The following FAM110B variants were observed in gnomAD, a reference collection of about 807,000 sequenced individuals.
FAM110B encodes the protein family with sequence similarity 110 member B.
Under a neutral mutation model 20.4 loss-of-function variants are expected in FAM110B, and 6 were observed. The ratio of observed to expected loss-of-function variants is 0.29; its 90% CI spans 0.16 to 0.58. FAM110B has a LOEUF of 0.58. Ranked by LOEUF, FAM110B falls within the 20% of genes least tolerant of loss-of-function variation. FAM110B has a pLI of 0.90. For missense variants in FAM110B, 434 were observed against 498.2 expected, an observed-to-expected ratio of 0.87 and a Z score of 1.23; for synonymous variants, 226 against 214.1, an observed-to-expected ratio of 1.06 and a Z score of -0.49.
intron 3 of FAM110B, among the ~76,000 whole-genome samples, chr8:58,092,349 A>G (rs1349128428): frequency 6.6e-6 from 1 of 152,016 alleles, no homozygotes; most frequent in African/African-American, 2.4e-5. Flanking sequence ...GCACCCATCA[A>G]CCCGTCATCT....
intron 1 of FAM110B, among the ~76,000 whole-genome samples, chr8:58,006,923 A>ATATATATATATTTTTTTTTTTTTTT: frequency 1.6e-5 from 2 of 126,518 alleles, no homozygotes; most frequent in South Asian, 5.1e-4. Context: ...ATATATATAT[A>ATATATATATATTTTTTTTTTTTTTT]TTTTTCCAAA....
At chr8:58,052,620 G>A (rs1805469545) in intron 2 of FAM110B, among the ~76,000 whole-genome samples, 1 of 151,934 alleles carries the variant, frequency 6.6e-6, no homozygotes, top group South Asian at 2.1e-4. Flanking sequence ...TTACTACGGA[G>A]GAACACAAAG....
intron 3 of FAM110B, 137 bp from the exon 4 acceptor site, chr8:58,145,770 G>A (rs1672616152): frequency 1.3e-5 from 2 of 153,358 alleles, no homozygotes; most frequent in Non-Finnish European, 2.9e-5. Context: ...GCGCGGTCGG[G>A]AAAACAGCTA....
At chr8:58,128,419 C>T (rs1807566213) in intron 3 of FAM110B, among the ~76,000 whole-genome samples, 1 of 152,180 alleles carries the variant, frequency 6.6e-6, no homozygotes, top group South Asian at 2.1e-4. Context: ...GTAATCCTTA[C>T]ATCACTTCCC....
At chr8:58,094,498 C>G (rs945170403) in intron 3 of FAM110B, among the ~76,000 whole-genome samples, 1 of 152,046 alleles carries the variant, frequency 6.6e-6, no homozygotes, top group Non-Finnish European at 1.5e-5. Flanking sequence ...CTGCATCTAT[C>G]GAGATAATCA....
chr8:58,140,895 T>G (rs1803731275), intron 3 of FAM110B, among the ~76,000 whole-genome samples: 1 of 152,250 alleles, frequency 6.6e-6, no homozygotes, highest in Non-Finnish European at 1.5e-5. Flanking sequence ...TTCATTCGAT[T>G]CACATTTACC....
chr8:58,047,627 T>TCTCTCTCTCTCTCTCTCTCTCTCTCC (rs1805355005), intron 2 of FAM110B, among the ~76,000 whole-genome samples: 1 of 146,994 alleles, frequency 6.8e-6, no homozygotes, highest in Non-Finnish European at 1.5e-5. Context: ...TCTCTCTCTC[T>TCTCTCTCTCTCTCTCTCTCTCTCTCC]CTCTCTCTGA....
chr8:57,999,604 A>G (rs1241975426), intron 1 of FAM110B, among the ~76,000 whole-genome samples: 1 of 152,170 alleles, frequency 6.6e-6, no homozygotes, highest in Non-Finnish European at 1.5e-5. Flanking sequence ...AAGTTCCTCT[A>G]CTATGATGAT....
At chr8:58,054,324 C>A (rs757034180) in intron 2 of FAM110B, among the ~76,000 whole-genome samples, 15 of 152,296 alleles carry the variant, frequency 9.8e-5, no homozygotes, top group Non-Finnish European at 1.3e-4. Context: ...CTAGCACCAA[C>A]TAGAAACAGT....
At chr8:58,115,458 A>G (rs1198923490) in intron 3 of FAM110B, among the ~76,000 whole-genome samples, 1 of 152,034 alleles carries the variant, frequency 6.6e-6, no homozygotes, top group African/African-American at 2.4e-5. Flanking sequence ...CAGTGGCACA[A>G]TCTCGGCTCA....
chr8:58,021,948 T>C (rs1804764115), intron 1 of FAM110B, among the ~76,000 whole-genome samples: 1 of 152,186 alleles, frequency 6.6e-6, no homozygotes, highest in East Asian at 1.9e-4. Context: ...ACATACTCTA[T>C]GGCCTGGCTC....
At chr8:58,100,700 T>C (rs780415138) in intron 3 of FAM110B, among the ~76,000 whole-genome samples, 5 of 152,210 alleles carry the variant, frequency 3.3e-5, no homozygotes, top group Non-Finnish European at 5.9e-5. Flanking sequence ...CCAGTCTTAT[T>C]GGATGAGGGG....
intron 3 of FAM110B, among the ~76,000 whole-genome samples, chr8:58,081,650 T>A (rs1448067011): frequency 1.3e-5 from 2 of 152,182 alleles, no homozygotes; most frequent in East Asian, 3.9e-4. Flanking sequence ...TCTGTTATTC[T>A]GCTCATGTTC....
intron 2 of FAM110B, among the ~76,000 whole-genome samples, chr8:58,057,539 C>G (rs925588502): frequency 3.3e-5 from 5 of 152,184 alleles, no homozygotes; most frequent in Non-Finnish European, 7.3e-5. Flanking sequence ...CTCAAACAGA[C>G]TGTTTTAAAT....
chr8:58,040,548 G>A (rs528340429), intron 2 of FAM110B, among the ~76,000 whole-genome samples: 37 of 152,104 alleles, frequency 2.4e-4, no homozygotes, highest in Non-Finnish European at 4.4e-4. Context: ...GGCAGCAGTG[G>A]CCATTAGCCC....
At chr8:58,093,640 G>C (rs1806542734) in intron 3 of FAM110B, among the ~76,000 whole-genome samples, 1 of 152,068 alleles carries the variant, frequency 6.6e-6, no homozygotes, top group Non-Finnish European at 1.5e-5. Context: ...ATGCTGTTTT[G>C]GTTACTGTAG....
Position 58,146,411 on chromosome 8 carries a change from T to G in FAM110B, c.181T>G (p.Tyr61Asp). ...GAGGCTGGAGGCCGACAAGGCCAAG[T>G]ACGTCAAGAGCCAGGAGGTGATCAA... is the stretch of plus-strand genomic sequence containing the variant. The part of the protein sequence containing the change: ...VERLEADKAK[Y>D]VKSQEVINAK... Residue 61 changes from tyrosine (Y) to aspartate (D), a missense_variant, in exon 4 of 4, where the codon TAC (tyrosine) becomes GAC (aspartate). Transcript: ENST00000519262. 6.2e-7 allele frequency: 1 copy of G among 1,613,960 alleles called. No individual in the cohort carries two copies. The highest frequency in any genetic ancestry group is 1.1e-5 in the South Asian group (1 of 91,074).
chr8:58,069,226 A>G (rs1013395223), intron 2 of FAM110B, among the ~76,000 whole-genome samples: 4 of 152,206 alleles, frequency 2.6e-5, no homozygotes, highest in Non-Finnish European at 5.9e-5. Context: ...GCTGGAAAGA[A>G]AGGGAGACAA....
chr8:58,013,296 G>A (rs535449852), intron 1 of FAM110B, among the ~76,000 whole-genome samples: 20 of 152,314 alleles, frequency 1.3e-4, no homozygotes, highest in African/African-American at 4.8e-4. Context: ...TCTGGCAGAA[G>A]AGTATGAAAG....
Sources: allele counts gnomAD v4.1 joint callset (sites outside exome capture counted in the v4.1 genomes callset), GRCh38; gene constraint gnomAD v4.1.1; transcripts MANE v1.5; gene names NCBI Gene and HGNC (gene_info 2026-07-23, HGNC 2026-07-21).